NCKAP5: variants seen among roughly 807,000 people sequenced by gnomAD.
The protein encoded by NCKAP5 is NCK associated protein 5.
A neutral mutation model predicts 167.0 loss-of-function variants in NCKAP5; 92 were observed. The ratio of observed to expected loss-of-function variants is 0.55; its 90% confidence interval spans 0.47 to 0.66. NCKAP5 has a LOEUF of 0.66. Among genes scored for constraint, NCKAP5 ranks in the 30% least tolerant of loss-of-function variants. The pLI is 0.00. For missense variants in NCKAP5, 2,378 were observed against 2,315.0 expected (o/e 1.03, Z -0.56); for synonymous variants, 891 against 877.4 (o/e 1.02, Z -0.27).
At chr2:133,285,860 A>G (rs1372421705) in intron 4 of NCKAP5, among the ~76,000 whole-genome samples, 1 of 152,206 alleles carries the variant, frequency 6.6e-6, no homozygotes, top group Non-Finnish European at 1.5e-5. Flanking sequence ...TTGAAATTAT[A>G]CATGTTAAAT....
the NCKAP5 span, among the ~76,000 whole-genome samples, chr2:133,599,252 G>A: frequency 1.3e-5 from 2 of 152,210 alleles, no homozygotes; most frequent in Admixed American, 6.5e-5. Context: ...GTGAAAACTT[G>A]GAGATGTTGA....
intron 4 of NCKAP5, among the ~76,000 whole-genome samples, chr2:133,235,418 T>A (rs1292942700): frequency 6.6e-6 from 1 of 152,064 alleles, no homozygotes; most frequent in East Asian, 1.9e-4. Flanking sequence ...CCAATTACAG[T>A]ACTGAAGTAC....
chr2:133,169,563 C>A (rs2149982650), intron 5 of NCKAP5, among the ~76,000 whole-genome samples: 1 of 152,300 alleles, frequency 6.6e-6, no homozygotes, highest in South Asian at 2.1e-4. Context: ...CTGCCATAAG[C>A]ATTCAGACTC....
rs972332381 is a variant in NCKAP5 at position 133,190,706 on chromosome 2, C to A, written c.207+23010G>T. ...ATTTAATAAATGGTGCTGGAAAAAA[C>A]TGGCTAGCCATATGGAGAAAGCTGA... is the stretch of plus-strand genomic sequence containing the variant. On this transcript the variant is annotated intron_variant, in intron 5 of 19. Coordinates refer to ENST00000409261, the MANE Select transcript of NCKAP5 (RefSeq NM_207363.3). 2.0e-5 allele frequency among the ~76,000 whole-genome samples: 3 copies of A among 152,124 alleles called. No homozygotes were observed. The East Asian group carries it at 5.8e-4, about 29-fold the overall frequency.
chr2:133,494,054 A>ATG (rs2151362834), intron 3 of NCKAP5, among the ~76,000 whole-genome samples: 1 of 152,308 alleles, frequency 6.6e-6, no homozygotes, highest in South Asian at 2.1e-4. Flanking sequence ...AACTTGATCT[A>ATG]TGTGGAACTC....
intron 3 of NCKAP5, among the ~76,000 whole-genome samples, chr2:133,425,143 C>T (rs919770381): frequency 6.6e-6 from 1 of 152,214 alleles, no homozygotes; most frequent in South Asian, 2.1e-4. Context: ...TAGTCACCAA[C>T]CTCTGTTCCA....
rs56919978 is a variant in NCKAP5 at position 133,417,311 on chromosome 2, G to A, written c.69+100147C>T. On this transcript the variant is annotated intron_variant, in intron 3 of 19. Coordinates refer to ENST00000409261, the MANE Select transcript of NCKAP5 (RefSeq NM_207363.3). ...TATCTCATTTTTGGCAATTCAAAGC[G>A]CAATTTCCCATTAACCCCGATTGCC... 4.6e-3 allele frequency among the ~76,000 whole-genome samples: 706 copies of A among 152,202 alleles called. 13 individuals carry two copies. The highest frequency in any genetic ancestry group is 0.016 in the African/African-American group (673 of 41,524).
Position 132,681,222 on chromosome 2 carries a change from G to T in NCKAP5, c.5714-7917C>A, listed in dbSNP as rs182712262. Among the ~76,000 whole-genome samples the T allele has an allele frequency of 2.0e-3, 304 of 152,174 alleles. 1 individual carries two copies. Among genetic ancestry groups the T allele is most frequent in the African/African-American group, 7.1e-3 (294 of 41,524 alleles). ...GATGAGAACTTCTAAATCTACTCAA[G>T]TAAGGTTAAGAATTTCAGCTGACAA... On this transcript the variant is annotated intron_variant, in intron 19 of 19. Coordinates refer to ENST00000409261, the MANE Select transcript of NCKAP5 (RefSeq NM_207363.3).
intron 6 of NCKAP5, among the ~76,000 whole-genome samples, chr2:133,085,197 G>C (rs993278458): frequency 6.6e-6 from 1 of 152,054 alleles, no homozygotes; most frequent in African/African-American, 2.4e-5. Context: ...CTGCTTCAGA[G>C]GAAGCAATGG....
intron 6 of NCKAP5, among the ~76,000 whole-genome samples, chr2:133,071,456 A>C (rs925501212): frequency 1.3e-5 from 2 of 152,140 alleles, no homozygotes; most frequent in African/African-American, 4.8e-5. Context: ...AAAAACAAAA[A>C]ACAAACAAAC....
At chr2:133,221,405 A>G (rs1196879237) in intron 4 of NCKAP5, among the ~76,000 whole-genome samples, 1 of 152,224 alleles carries the variant, frequency 6.6e-6, no homozygotes, top group African/African-American at 2.4e-5. Context: ...GTTTTTATTA[A>G]TTCAGAATAT....
intron 3 of NCKAP5, among the ~76,000 whole-genome samples, chr2:133,338,120 A>ATT (rs377397492): frequency 8.0e-5 from 12 of 149,766 alleles, no homozygotes; most frequent in Non-Finnish European, 1.2e-4. Flanking sequence ...GGTCTATTGC[A>ATT]TTTTTTTTTT....
intron 4 of NCKAP5, chr2:133,267,428 A>G (rs1205234161): frequency 6.6e-6 from 1 of 152,158 alleles, no homozygotes; most frequent in Non-Finnish European, 1.5e-5. Context: ...TTGGCAGGTA[A>G]GAGCTGGAAC....
At chr2:132,894,633 T>C (rs1692995726) in intron 8 of NCKAP5, among the ~76,000 whole-genome samples, 1 of 152,194 alleles carries the variant, frequency 6.6e-6, no homozygotes, top group South Asian at 2.1e-4. Flanking sequence ...ATGAATATTG[T>C]CCCTTTGCTT....
intron 6 of NCKAP5, among the ~76,000 whole-genome samples, chr2:133,087,442 C>T (rs1454738727): frequency 1.4e-4 from 21 of 152,200 alleles, no homozygotes; most frequent in Admixed American, 1.4e-3. Flanking sequence ...GATGGTGTAT[C>T]AGTGTTCTCC....
rs1259115988 is a variant in NCKAP5 at position 133,055,964 on chromosome 2, C to A, written c.342-61725G>T. Among the ~76,000 whole-genome samples, 6 of 152,094 alleles carry A rather than the reference C, an allele frequency of 3.9e-5. No homozygotes were observed. The East Asian group carries it at 7.7e-4, about 20-fold the overall frequency. On this transcript the variant is annotated intron_variant, in intron 6 of 19. Coordinates refer to ENST00000409261, the MANE Select transcript of NCKAP5 (RefSeq NM_207363.3). ...AATGCTTTCTTCTTAAAATTACTTA[C>A]AAGAGTTATTAAAAGAATATTACAA...
intron 3 of NCKAP5, among the ~76,000 whole-genome samples, chr2:133,437,052 C>T (rs910994167): frequency 6.6e-6 from 1 of 151,988 alleles, no homozygotes; most frequent in Admixed American, 6.6e-5. Context: ...AATTTATGTG[C>T]TCAAAAAAAT....
At chr2:133,413,054 C>T (rs1306260364) in intron 3 of NCKAP5, among the ~76,000 whole-genome samples, 1 of 152,200 alleles carries the variant, frequency 6.6e-6, no homozygotes, top group East Asian at 1.9e-4. Context: ...GCAGGTCTGG[C>T]CTGCCTGGAG....
At chr2:132,864,480 T>C (rs999819752) in intron 10 of NCKAP5, among the ~76,000 whole-genome samples, 2 of 152,164 alleles carry the variant, frequency 1.3e-5, no homozygotes, top group Admixed American at 6.5e-5. Context: ...TGTGATACAC[T>C]GGTCTAATGG....
Sources: gnomAD v4.1 joint callset for allele counts (sites outside exome capture counted in the v4.1 genomes callset) on GRCh38, gnomAD v4.1.1 for gene constraint, MANE v1.5 for transcripts, NCBI Gene and HGNC (gene_info 2026-07-23, HGNC 2026-07-21) for gene names.